SELENBP1: variants seen among roughly 807,000 people sequenced by gnomAD.
SELENBP1 encodes the protein selenium binding protein 1.
In SELENBP1, 71 loss-of-function variants were observed where a neutral mutation model predicts 61.0. That is an observed-to-expected ratio of 1.16 (90% CI 0.96 to 1.42). SELENBP1 has a LOEUF of 1.42. Among genes scored for constraint, SELENBP1 ranks in the 40% most tolerant of loss-of-function variants. SELENBP1 has a pLI of 0.00. For missense variants in SELENBP1, 561 were observed against 605.0 expected, an observed-to-expected ratio of 0.93 and a Z score of 0.76; for synonymous variants, 270 against 238.9, an observed-to-expected ratio of 1.13 and a Z score of -1.20.
Position 151,366,733 on chromosome 1 carries a change from T to C in SELENBP1, c.653A>G (p.Asp218Gly). ...GGGGGGATTCTCACCAGCCTCCACA[T>C]CAGCGGGGTTGAAGCCATCTCGTAA... Reference protein sequence around the residue: ...NVLRDGFNPADVEAGLYGSHL... With the variant: ...NVLRDGFNPAGVEAGLYGSHL... Residue 218 changes from aspartate to glycine, a missense_variant, in exon 6 of 12, where the codon GAT (aspartate) becomes GGT (glycine). Transcript: ENST00000368868. 1 of 1,613,892 alleles carries C rather than the reference T, an allele frequency of 6.2e-7. No individual in the cohort carries two copies.
chr1:151,369,471 C>T lies in SELENBP1; in HGVS notation c.145G>A (p.Val49Ile), dbSNP rs1652036375. The change falls in exon 3 of 12, where the codon GTT becomes ATT. Residue 49 changes from valine (V) to isoleucine (I), a missense_variant. By Grantham distance (29) the Val-to-Ile change is conservative. Transcript: ENST00000368868. ...CAATACTGGGGAGACTTGGGGTCAA[C>T]ATCCACAGTGGCCAGATAATCTGGG... is the stretch of plus-strand genomic sequence containing the variant. Reference protein sequence around the residue: ...EAPDYLATVDVDPKSPQYCQV... With the variant: ...EAPDYLATVDIDPKSPQYCQV... 1.2e-6 allele frequency: 2 copies of T among 1,612,982 alleles called. No individual in the cohort carries two copies. Among genetic ancestry groups the T allele is most frequent in the Non-Finnish European group, 1.7e-6 (2 of 1,179,632 alleles).
Position 151,371,257 on chromosome 1 carries a change from C to T in SELENBP1, c.4+1381G>A, listed in dbSNP as rs546329058. Among the ~76,000 whole-genome samples the T allele has an allele frequency of 1.1e-3, 174 of 151,872 alleles. 1 individual carries two copies. Among genetic ancestry groups the T allele is most frequent in the African/African-American group, 4.1e-3 (170 of 41,408 alleles). The stretch of plus-strand genomic sequence containing the variant: ...AAATTACCCTGTATTAAAAATTAGC[C>T]TGTATTAAAAAATACAGGCATACAC... On this transcript the variant is annotated intron_variant, in intron 1 of 11. Coordinates refer to ENST00000368868, the MANE Select transcript of SELENBP1 (RefSeq NM_003944.4).
chr1:151,369,679 G>A (rs910931387), intron 2 of SELENBP1, 34 bp downstream of exon 2: 10 of 1,548,910 alleles, frequency 6.5e-6, no homozygotes, highest in African/African-American at 1.4e-5. Flanking sequence ...GGAATCAGTA[G>A]TAGGGCGCTG....
chr1:151,364,700 C>G lies in SELENBP1; in HGVS notation c.1262G>C (p.Gly421Ala), dbSNP rs1651705767. 6.3e-7 allele frequency: 1 copy of G among 1,579,522 alleles called. No individual in the cohort carries two copies. The highest frequency in any genetic ancestry group is 8.6e-7 in the Non-Finnish European group (1 of 1,161,362). Residue 421 changes from glycine (G) to alanine (A), a missense_variant, in exon 12 of 12, where the codon GGC becomes GCC. Coordinates refer to ENST00000368868, the MANE Select transcript of SELENBP1 (RefSeq NM_003944.4). Reference protein sequence around the residue: ...KQFYPDLIREGSVMLQVDVDT... With the variant: ...KQFYPDLIREASVMLQVDVDT... ...TACATCAACCTGCAGCATCACAGAGCCTTCCCTGGTGGAAAAGGGAATGGG... is the reference window on the plus strand; with the variant it reads ...TACATCAACCTGCAGCATCACAGAGGCTTCCCTGGTGGAAAAGGGAATGGG...
Position 151,368,643 on chromosome 1 carries a change from G to T in SELENBP1, c.361-324C>A, listed in dbSNP as rs74346438. On this transcript the variant is annotated intron_variant, in intron 4 of 11. Transcript: ENST00000368868. ...CAGTGTCAACTCTGTATTACCAGTAGACAACACAGTAAATGCCTGGCACCA... is the reference window on the plus strand; with the variant it reads ...CAGTGTCAACTCTGTATTACCAGTATACAACACAGTAAATGCCTGGCACCA... 5.2e-3 allele frequency among the ~76,000 whole-genome samples: 797 copies of T among 152,340 alleles called. 10 individuals are homozygous for T. Among genetic ancestry groups the T allele is most frequent in the African/African-American group, 0.018 (735 of 41,572 alleles).
chr1:151,368,758 C>T (rs1651981711), intron 4 of SELENBP1, among the ~76,000 whole-genome samples: 1 of 152,216 alleles, frequency 6.6e-6, no homozygotes, highest in Non-Finnish European at 1.5e-5. Context: ...TGGCTCCCTC[C>T]CTCTCTCAGA....
At position 151,365,797 on chromosome 1, in the gene SELENBP1, AC is replaced by A. The variant is rs1267688414; in HGVS notation, c.892del (p.Val298Ter). On this transcript the variant is annotated frameshift_variant, in exon 8 of 12. Transcript: ENST00000368868. LOFTEE classifies it high-confidence loss of function. ...EKVIQVPPKK[V>X]KGWLLPEMPG... ...CATTTCGGGCAGCAGCCAGCCCTTC[AC>A]TTTCTTGGGGGGCACCTGGATCACC... The A allele has an allele frequency of 3.1e-6, 5 of 1,612,828 alleles. No homozygotes were observed. The African/African-American group carries it at 6.7e-5, about 22-fold the overall frequency.
intron 8 of SELENBP1, 40 bp downstream of exon 8, chr1:151,365,728 C>G (rs777257208): frequency 1.9e-6 from 3 of 1,613,962 alleles, no homozygotes; most frequent in Non-Finnish European, 2.5e-6. Flanking sequence ...CTCTTGTTTC[C>G]CAGGCCAAGA....
chr1:151,365,672 T>C lies in SELENBP1; in HGVS notation c.935A>G (p.Asp312Gly). Reference protein sequence around the residue: ...LLPEMPGLITDILLSLDDRFL... With the variant: ...LLPEMPGLITGILLSLDDRFL... ...GCGGTCGTCCAGGGAGAGCAGGATGTCGGTGATCAGGCCTGTGGGCAGGGG... is the reference window on the plus strand; with the variant it reads ...GCGGTCGTCCAGGGAGAGCAGGATGCCGGTGATCAGGCCTGTGGGCAGGGG... Residue 312 changes from aspartate to glycine, a missense_variant, in exon 9 of 12, where the codon GAC becomes GGC. By Grantham distance (94) the Asp-to-Gly change is moderately conservative (BLOSUM62 -1). Coordinates refer to ENST00000368868, the MANE Select transcript of SELENBP1 (RefSeq NM_003944.4). 3 of 1,614,214 alleles carry C rather than the reference T, an allele frequency of 1.9e-6. No individual in the cohort carries two copies. The highest frequency in any genetic ancestry group is 2.5e-6 in the Non-Finnish European group (3 of 1,180,030).
intron 1 of SELENBP1, 26 bp downstream of exon 1, chr1:151,372,612 G>A (rs1197394964): frequency 6.2e-7 from 1 of 1,614,016 alleles, no homozygotes; most frequent in South Asian, 1.1e-5. Flanking sequence ...AGCAGGCAAT[G>A]GGTGATTGGA....
intron 1 of SELENBP1, among the ~76,000 whole-genome samples, chr1:151,372,135 C>A (rs1459048977): frequency 2.0e-5 from 3 of 151,730 alleles, no homozygotes; most frequent in African/African-American, 7.3e-5. Flanking sequence ...TGAAACAGGT[C>A]CCCAGTGAAA....
At position 151,366,266 on chromosome 1, in the gene SELENBP1, G is replaced by T; in HGVS notation, c.843+9C>A. 6.2e-7 allele frequency: 1 copy of T among 1,610,874 alleles called. No individual in the cohort carries two copies. Among genetic ancestry groups the T allele is most frequent in the Non-Finnish European group, 8.5e-7 (1 of 1,178,272 alleles). ...TACTGGGAGGGGAGGGCCAGAGGGC[G>T]TATGTCACCTCGTTCTTGTAGAAGC... is the stretch of plus-strand genomic sequence containing the variant. On this transcript the variant is annotated intron_variant, in intron 7 of 11. Coordinates refer to ENST00000368868, the MANE Select transcript of SELENBP1 (RefSeq NM_003944.4).
At chr1:151,370,006 G>GC in intron 1 of SELENBP1, 1 of 1,442,836 alleles carries the variant, frequency 6.9e-7, no homozygotes, top group South Asian at 1.5e-5. Flanking sequence ...GTCCAGCAGG[G>GC]CCCCGGGAGG....
Position 151,372,697 on chromosome 1 carries a change from C to G in SELENBP1, c.-56G>C. The G allele has an allele frequency of 8.7e-6, 14 of 1,613,752 alleles. No individual in the cohort carries two copies. In the South Asian group the frequency reaches 1.5e-4, roughly 18 times the overall value. ...GGTTTGCTGTGCTGGTGTCAGAGGC[C>G]GCTGTTCCGGGGAAGGAGCGAAGGG... On this transcript the variant is annotated 5_prime_UTR_variant, in exon 1 of 12. Transcript: ENST00000368868.
Position 151,364,328 on chromosome 1 carries a change from T to C in SELENBP1, c.*215A>G. On this transcript the variant is annotated 3_prime_UTR_variant, in exon 12 of 12. Coordinates refer to ENST00000368868, the MANE Select transcript of SELENBP1 (RefSeq NM_003944.4). ...CTGAAGGACAGGGTTACGAGTTTATTTCTTGGTGCCTCCAAGAGCTCATGG... is the reference window on the plus strand; with the variant it reads ...CTGAAGGACAGGGTTACGAGTTTATCTCTTGGTGCCTCCAAGAGCTCATGG... 5.1e-6 allele frequency: 3 copies of C among 591,196 alleles called. No homozygotes were observed. Among genetic ancestry groups the C allele is most frequent in the East Asian group, 3.0e-5 (1 of 33,394 alleles). 36.6% of individuals were successfully genotyped at this position (591,196 alleles called of 1,614,324 possible).
At chr1:151,368,474 T>C (rs746467975) in intron 4 of SELENBP1, among the ~76,000 whole-genome samples, 155 bp from the exon 5 acceptor site, 1 of 152,240 alleles carries the variant, frequency 6.6e-6, no homozygotes, top group Non-Finnish European at 1.5e-5. Context: ...AAAGATTCAG[T>C]CTGGTAACTT....
Position 151,369,747 on chromosome 1 carries a change from TC to T in SELENBP1, c.26del (p.Gly9AspfsTer11). The T allele has an allele frequency of 6.4e-7, 1 of 1,552,568 alleles. No homozygotes were observed. The highest frequency in any genetic ancestry group is 8.7e-7 in the Non-Finnish European group (1 of 1,147,490). Reference protein sequence around the residue: MATKCGNCGPGYSTPLEAM... With the variant: MATKCGNCXPGYSTPLEAM... ...CCTCCAGAGGGGTGGAGTAGCCGGG[TC>T]CACAATTCCCACATTTCGTAGCTGT... On this transcript the variant is annotated frameshift_variant, in exon 2 of 12. Coordinates refer to ENST00000368868, the MANE Select transcript of SELENBP1 (RefSeq NM_003944.4). LOFTEE classifies it high-confidence loss of function.
intron 1 of SELENBP1, chr1:151,370,135 C>G (rs1571286913): frequency 3.3e-6 from 2 of 602,214 alleles, no homozygotes; most frequent in East Asian, 5.9e-5. Flanking sequence ...TACTGAAGCT[C>G]CTCGACCTCA....
chr1:151,371,155 G>A (rs532848585), intron 1 of SELENBP1, among the ~76,000 whole-genome samples: 32 of 152,134 alleles, frequency 2.1e-4, no homozygotes, highest in African/African-American at 7.7e-4. Context: ...AGGCTGAGGC[G>A]GAAAGATCAC....
Sources: gnomAD v4.1 joint callset for allele counts (sites outside exome capture counted in the v4.1 genomes callset) on GRCh38, gnomAD v4.1.1 for gene constraint, MANE v1.5 for transcripts, NCBI Gene and HGNC (gene_info 2026-07-23, HGNC 2026-07-21) for gene names.